Variants in CTNNA3 observed in about 807,000 individuals in gnomAD.
CTNNA3 encodes the protein catenin alpha-3.
In CTNNA3, 76 loss-of-function variants were observed where a neutral mutation model predicts 95.7. The ratio of observed to expected loss-of-function variants is 0.79; its 90% CI spans 0.66 to 0.96. The LOEUF (loss-of-function observed/expected upper bound fraction) is 0.96. CTNNA3 is among the 40% of genes least tolerant of loss of function. The probability of loss-of-function intolerance (pLI) is 0.00; values close to 1 mark genes in which losing one functional copy is unlikely to be tolerated. For synonymous variants in CTNNA3, 431 were observed against 374.4 expected (o/e 1.15, Z -1.74); for missense variants, 1,191 against 1,089.8 (o/e 1.09, Z -1.31).
intron 5 of CTNNA3, among the ~76,000 whole-genome samples, chr10:67,475,790 T>C (rs1271011478): frequency 3.3e-5 from 5 of 152,264 alleles, no homozygotes; most frequent in South Asian, 4.1e-4. Context: ...ATGAAAGCAA[T>C]GAATAAAAGC....
chr10:66,493,429 T>A (rs969538838), intron 11 of CTNNA3, among the ~76,000 whole-genome samples: 3 of 152,076 alleles, frequency 2.0e-5, no homozygotes, highest in Non-Finnish European at 4.4e-5. Flanking sequence ...TGAACCTACA[T>A]CCATCTACTC....
chr10:66,795,889 A>G (rs975095091), intron 7 of CTNNA3, among the ~76,000 whole-genome samples: 3 of 152,116 alleles, frequency 2.0e-5, no homozygotes, highest in African/African-American at 7.2e-5. Flanking sequence ...AACTTTTGCT[A>G]CCTTCCAACT....
chr10:67,675,950 T>A (rs892263341), intron 1 of CTNNA3, among the ~76,000 whole-genome samples: 1 of 152,158 alleles, frequency 6.6e-6, no homozygotes, highest in African/African-American at 2.4e-5. Context: ...CCTAAGATCA[T>A]AAATATATTC....
intron 7 of CTNNA3, among the ~76,000 whole-genome samples, chr10:67,010,520 A>C (rs1852251435): frequency 6.6e-6 from 1 of 152,180 alleles, no homozygotes; most frequent in Non-Finnish European, 1.5e-5. Context: ...TCCTGTAGGT[A>C]TTAGATCTGT....
chr10:65,941,499 C>A (rs551075927), intron 17 of CTNNA3, among the ~76,000 whole-genome samples: 1 of 152,274 alleles, frequency 6.6e-6, no homozygotes, highest in Admixed American at 6.5e-5. Context: ...GATTCCCATG[C>A]AGAAAATAAA....
chr10:67,622,264 A>G (rs1028184178), intron 2 of CTNNA3, among the ~76,000 whole-genome samples: 1 of 152,184 alleles, frequency 6.6e-6, no homozygotes, highest in East Asian at 1.9e-4. Flanking sequence ...ATCTTGGCTT[A>G]TCAGTCTGCA....
At chr10:66,542,990 A>G (rs1394708083) in intron 10 of CTNNA3, among the ~76,000 whole-genome samples, 1 of 152,166 alleles carries the variant, frequency 6.6e-6, no homozygotes, top group Non-Finnish European at 1.5e-5. Flanking sequence ...AACTAAGGTA[A>G]ACATTGAAAT....
chr10:66,832,131 C>T (rs961208720), intron 7 of CTNNA3, among the ~76,000 whole-genome samples: 1 of 152,182 alleles, frequency 6.6e-6, no homozygotes, highest in Non-Finnish European at 1.5e-5. Flanking sequence ...AATTAAAGTT[C>T]ATATCAAAGA....
At chr10:66,837,789 G>A (rs767571852) in intron 7 of CTNNA3, 1 of 152,056 alleles carries the variant, frequency 6.6e-6, no homozygotes, top group Non-Finnish European at 1.5e-5. Flanking sequence ...TGGTCCCACT[G>A]AGGACATATA....
chr10:65,977,773 C>T (rs547475652), intron 16 of CTNNA3, among the ~76,000 whole-genome samples: 1 of 150,528 alleles, frequency 6.6e-6, no homozygotes, highest in African/African-American at 2.4e-5. Flanking sequence ...AGAGAGACTC[C>T]GTCTCAAAAA....
intron 13 of CTNNA3, among the ~76,000 whole-genome samples, chr10:66,125,861 T>C (rs554900880): frequency 6.6e-6 from 1 of 152,058 alleles, no homozygotes; most frequent in Non-Finnish European, 1.5e-5. Flanking sequence ...AGGAGGAGGA[T>C]TGAATAGGTG....
chr10:66,176,557 G>T (rs2085724308), intron 13 of CTNNA3, among the ~76,000 whole-genome samples: 1 of 152,050 alleles, frequency 6.6e-6, no homozygotes, highest in Admixed American at 6.6e-5. Context: ...AGGAATATTT[G>T]TGTCCCCCTA....
chr10:66,996,047 T>G (rs531496004), intron 7 of CTNNA3, among the ~76,000 whole-genome samples: 1 of 152,346 alleles, frequency 6.6e-6, no homozygotes, highest in South Asian at 2.1e-4. Flanking sequence ...TTTTACCTAC[T>G]TATTTACATA....
chr10:66,644,260 CT>C (rs1845614215), intron 9 of CTNNA3, among the ~76,000 whole-genome samples: 1 of 144,416 alleles, frequency 6.9e-6, no homozygotes, highest in Admixed American at 7.1e-5. Context: ...GACTTGGTCT[CT>C]CTGTCTGTCT....
chr10:66,101,769 A>T (rs911809288), intron 14 of CTNNA3, among the ~76,000 whole-genome samples: 1 of 152,202 alleles, frequency 6.6e-6, no homozygotes, highest in African/African-American at 2.4e-5. Context: ...AATCAAAAAG[A>T]ATAGTAGAAA....
chr10:66,720,702 T>C (rs1244014119), intron 9 of CTNNA3, among the ~76,000 whole-genome samples: 2 of 151,990 alleles, frequency 1.3e-5, no homozygotes, highest in East Asian at 1.9e-4. Flanking sequence ...GGCGTGATGG[T>C]GGGCACCTGT....
chr10:66,970,996 C>T (rs2132825636), intron 7 of CTNNA3, among the ~76,000 whole-genome samples: 1 of 152,242 alleles, frequency 6.6e-6, no homozygotes, highest in South Asian at 2.1e-4. Context: ...TTCTTCTTTT[C>T]ATGCAAGTTT....
At chr10:67,641,242 AG>A (rs1839521968) in intron 2 of CTNNA3, among the ~76,000 whole-genome samples, 1 of 152,212 alleles carries the variant, frequency 6.6e-6, no homozygotes, top group Admixed American at 6.5e-5. Flanking sequence ...TGCAGCCAAA[AG>A]ACACATGAAA....
intron 7 of CTNNA3, among the ~76,000 whole-genome samples, chr10:67,120,727 A>C (rs1445629496): frequency 2.6e-5 from 4 of 152,134 alleles, no homozygotes; most frequent in African/African-American, 9.6e-5. Flanking sequence ...TTTCTTGATG[A>C]ATATTATAGG....
Sources: allele counts gnomAD v4.1 joint callset (sites outside exome capture counted in the v4.1 genomes callset), GRCh38; gene constraint gnomAD v4.1.1; transcripts MANE v1.5; gene names NCBI Gene and HGNC (gene_info 2026-07-23, HGNC 2026-07-21).